Variants in ZNF595 observed in about 807,000 individuals in gnomAD.
ZNF595 encodes zinc finger protein 595.
A neutral mutation model predicts 19.4 loss-of-function variants in ZNF595; 9 were observed. That is an observed-to-expected ratio of 0.46 (90% CI 0.28 to 0.81). The LOEUF (loss-of-function observed/expected upper bound fraction) is 0.81. Ranked by LOEUF, ZNF595 falls within the 30% of genes least tolerant of loss-of-function variation. ZNF595 has a pLI of 0.11. For missense variants in ZNF595, 729 were observed against 736.0 expected, an observed-to-expected ratio of 0.99 and a Z score of 0.11; for synonymous variants, 255 against 255.9, an observed-to-expected ratio of 1.00 and a Z score of 0.03.
rs374616424 is a variant in ZNF595, at chr4:86,422, T to C, written c.918T>C (p.His306=). 6 of 1,613,966 alleles carry C rather than the reference T, an allele frequency of 3.7e-6. No individual in the cohort carries two copies. Among genetic ancestry groups the C allele is most frequent in the African/African-American group, 1.3e-5 (1 of 74,930 alleles). The stretch of plus-strand genomic sequence containing the variant: ...GCCTGAATGAACATAAGAATATTCA[T>C]ACTGGAGAGAAACCCTACAAATGTA... The part of the protein sequence containing the change: ...STSLNEHKNI[H]TGEKPYKCKE... The change falls in exon 4 of 4, where the codon CAT becomes CAC. Residue 306 remains histidine (H), a synonymous_variant. Transcript: ENST00000610261.
chr4:70,062 T>A (rs1713363643), intron 3 of ZNF595, among the ~76,000 whole-genome samples: 1 of 152,160 alleles, frequency 6.6e-6, no homozygotes, highest in African/African-American at 2.4e-5. Context: ...CTAGTGAGAC[T>A]CGCATTTATT....
At chr4:74,756 G>GT (rs1553798419) in intron 3 of ZNF595, among the ~76,000 whole-genome samples, 2 of 152,278 alleles carry the variant, frequency 1.3e-5, no homozygotes, top group African/African-American at 4.8e-5. Context: ...ATTCTTTTGA[G>GT]TTTCTGATTA....
At chr4:55,185 C>CA (rs1302639882) in intron 1 of ZNF595, among the ~76,000 whole-genome samples, 34 of 150,768 alleles carry the variant, frequency 2.3e-4, no homozygotes, top group East Asian at 1.2e-3. Flanking sequence ...CCGCGCCCGG[C>CA]CTCCCACCCA....
intron 3 of ZNF595, among the ~76,000 whole-genome samples, chr4:82,333 T>G (rs1553800090): frequency 2.6e-5 from 4 of 151,832 alleles, no homozygotes; most frequent in African/African-American, 7.2e-5. Flanking sequence ...AAAGTTTGTG[T>G]TGTTTAATTT....
rs899915790 is a variant in ZNF595 at position 86,457 on chromosome 4, G to T, written c.953G>T (p.Gly318Val). 3 of 1,614,010 alleles carry T rather than the reference G, an allele frequency of 1.9e-6. No homozygotes were observed. The highest frequency in any genetic ancestry group is 2.5e-6 in the Non-Finnish European group (3 of 1,179,964). ...GEKPYKCKEC[G>V]KAFRQSRSLN... ...AAACCCTACAAATGTAAAGAATGTG[G>T]CAAAGCCTTTAGACAGTCCAGGAGC... Residue 318 changes from glycine (G) to valine (V), a missense_variant, in exon 4 of 4, where the codon GGC becomes GTC. Gly to Val is a moderately radical substitution (Grantham distance 109). Transcript: ENST00000610261.
chr4:71,650 C>A (rs1220716328), intron 3 of ZNF595, among the ~76,000 whole-genome samples: 2 of 152,174 alleles, frequency 1.3e-5, no homozygotes, highest in African/African-American at 2.4e-5. Flanking sequence ...ACGGGAGCAG[C>A]TGAGTGCCCT....
chr4:74,616 C>T (rs145489761), intron 3 of ZNF595, among the ~76,000 whole-genome samples: 359 of 152,276 alleles, frequency 2.4e-3, no homozygotes, highest in African/African-American at 8.2e-3. Context: ...AGACATAAGG[C>T]AGCAATCGAT....
At chr4:83,407 A>C (rs1196381452) in intron 3 of ZNF595, among the ~76,000 whole-genome samples, 1 of 151,978 alleles carries the variant, frequency 6.6e-6, no homozygotes, top group Non-Finnish European at 1.5e-5. Context: ...TCACGAGGTC[A>C]GGAGATTGAG....
chr4:57,865 G>A (rs1459730907), intron 1 of ZNF595, among the ~76,000 whole-genome samples: 851 of 141,138 alleles, frequency 6.0e-3, no homozygotes, highest in South Asian at 0.021. Context: ...AAGGGTTTTG[G>A]TTAAATTCCT....
Position 86,733 on chromosome 4 carries a change from A to T in ZNF595, c.1229A>T (p.His410Leu). 6.2e-7 allele frequency: 1 copy of T among 1,610,992 alleles called. No individual in the cohort carries two copies. Reference protein sequence around the residue: ...ECGKAFYRSSHLAKHKRIHTG... With the variant: ...ECGKAFYRSSLLAKHKRIHTG... ...GGCAAAGCTTTTTATAGGTCCTCAC[A>T]CCTTGCTAAACATAAGAGAATTCAT... Residue 410 changes from histidine (H) to leucine (L), a missense_variant, in exon 4 of 4, where the codon CAC becomes CTC. By Grantham distance (99) the His-to-Leu change is moderately conservative. Transcript: ENST00000610261.
intron 3 of ZNF595, among the ~76,000 whole-genome samples, chr4:82,371 G>GTTTTTTTTTTTTTTTTTTTT (rs1560092266): frequency 1.0e-5 from 1 of 97,712 alleles, no homozygotes; most frequent in African/African-American, 3.7e-5. Context: ...TTTGGTTTGT[G>GTTTTTTTTTTTTTTTTTTTT]GTTTTTTTTT....
At chr4:59,678 A>T (rs1034064754) in intron 2 of ZNF595, 122 bp downstream of exon 2, 57,008 of 851,536 alleles carry the variant, frequency 0.067, no homozygotes, top group African/African-American at 0.087. Context: ...TTCTACAAGA[A>T]AAAAATTGGG....
At chr4:66,305 C>T (rs1425615597) in intron 3 of ZNF595, among the ~76,000 whole-genome samples, 1 of 151,110 alleles carries the variant, frequency 6.6e-6, no homozygotes, top group Non-Finnish European at 1.5e-5. Context: ...ACATTTTCAT[C>T]TCTTGTCTAT....
At chr4:83,062 C>T (rs181225195) in intron 3 of ZNF595, among the ~76,000 whole-genome samples, 60 of 152,232 alleles carry the variant, frequency 3.9e-4, no homozygotes, top group African/African-American at 1.4e-3. Context: ...CACACATACA[C>T]ACACACACAC....
intron 3 of ZNF595, among the ~76,000 whole-genome samples, chr4:69,283 T>C (rs905002579): frequency 2.0e-5 from 3 of 152,214 alleles, no homozygotes; most frequent in African/African-American, 7.2e-5. Context: ...TTGGATAATA[T>C]AGTAGCTCTA....
At chr4:76,425 A>C (rs150959184) in intron 3 of ZNF595, among the ~76,000 whole-genome samples, 1 of 152,142 alleles carries the variant, frequency 6.6e-6, no homozygotes, top group African/African-American at 2.4e-5. Context: ...TTGAGGCTAT[A>C]TATATTTTAA....
chr4:61,324 CG>C (rs1388049721), intron 3 of ZNF595, among the ~76,000 whole-genome samples: 50 of 150,142 alleles, frequency 3.3e-4, no homozygotes, highest in African/African-American at 1.2e-3. Context: ...GTGCCCGCCA[CG>C]GGGTTTCACC....
intron 3 of ZNF595, among the ~76,000 whole-genome samples, chr4:72,955 GA>G (rs1713491320): frequency 6.6e-6 from 1 of 152,148 alleles, no homozygotes; most frequent in Non-Finnish European, 1.5e-5. Context: ...AATTAGACAT[GA>G]AAGGAGCCTT....
Position 87,075 on chromosome 4 carries a change from T to G in ZNF595, c.1571T>G (p.Ile524Ser). The G allele has an allele frequency of 6.2e-7, 1 of 1,610,654 alleles. No individual in the cohort carries two copies. Among genetic ancestry groups the G allele is most frequent in the Non-Finnish European group, 8.5e-7 (1 of 1,179,198 alleles). ...GCTTTTAACCAATCCTCAGGCCTTA[T>G]TATACACAGGAGCATTCATTCTGAA... ...GKAFNQSSGL[I>S]IHRSIHSEQK... Residue 524 changes from isoleucine to serine, a missense_variant, in exon 4 of 4, where the codon ATT becomes AGT. Ile to Ser is a moderately radical substitution (Grantham distance 142). Coordinates refer to ENST00000610261, the MANE Select transcript of ZNF595 (RefSeq NM_182524.4).
Sources: gnomAD v4.1 joint callset for allele counts (sites outside exome capture counted in the v4.1 genomes callset) on GRCh38, gnomAD v4.1.1 for gene constraint, MANE v1.5 for transcripts, NCBI Gene and HGNC (gene_info 2026-07-23, HGNC 2026-07-21) for gene names.